The following PCSK5 variants were observed in gnomAD, a reference collection of about 807,000 sequenced individuals.
The protein encoded by PCSK5 is prohormone convertase 5.
Under a neutral mutation model 233.2 loss-of-function variants are expected in PCSK5, and 129 were observed. The observed-to-expected ratio is 0.55, with a 90% confidence interval of 0.48 to 0.64. The LOEUF (loss-of-function observed/expected upper bound fraction) is 0.64. Among genes scored for constraint, PCSK5 ranks in the 30% least tolerant of loss-of-function variants. PCSK5 has a pLI of 0.00. For synonymous variants in PCSK5, 825 were observed against 879.2 expected, an observed-to-expected ratio of 0.94 and a Z score of 1.09; for missense variants, 2,076 against 2,430.1, an observed-to-expected ratio of 0.85 and a Z score of 3.06.
chr9:76,159,917 G>T lies in PCSK5; in HGVS notation c.1619+746G>T, dbSNP rs117568499. Among the ~76,000 whole-genome samples the T allele has an allele frequency of 3.3e-3, 484 of 146,868 alleles. 21 individuals are homozygous for T. In the East Asian group the frequency reaches 0.083, roughly 25 times the overall value. The stretch of plus-strand genomic sequence containing the variant: ...GGCTCACTGCAGTCATCGCCTCCCA[G>T]GTTCAAGCGATTCCCCTACCTCAGC... On this transcript the variant is annotated intron_variant, in intron 12 of 37. Transcript: ENST00000674117.
chr9:76,131,683 A>T (rs10746990), intron 9 of PCSK5, among the ~76,000 whole-genome samples: 73,939 of 151,534 alleles, frequency 0.49, 18,244 homozygotes, highest in Admixed American at 0.53. Context: ...CTGTTCTGTT[A>T]TGAAAATTAA....
intron 1 of PCSK5, among the ~76,000 whole-genome samples, chr9:75,909,325 C>CA (rs1355185916): frequency 1.6e-4 from 23 of 141,540 alleles, no homozygotes; most frequent in Admixed American, 3.5e-4. Context: ...GACTCCATCT[C>CA]AAAAAAAAAA....
intron 34 of PCSK5, among the ~76,000 whole-genome samples, chr9:76,334,853 A>G (rs1829632609): frequency 2.0e-5 from 3 of 152,150 alleles, no homozygotes; most frequent in Non-Finnish European, 4.4e-5. Context: ...TGAGGCGGGC[A>G]GATCACTTGA....
chr9:76,168,621 G>GGAA (rs1823191849), intron 12 of PCSK5, among the ~76,000 whole-genome samples: 1 of 152,026 alleles, frequency 6.6e-6, no homozygotes, highest in South Asian at 2.1e-4. Flanking sequence ...TCGGAGCTTT[G>GGAA]GAAATCACTG....
chr9:75,904,454 C>T (rs1343646232), intron 1 of PCSK5, among the ~76,000 whole-genome samples: 1 of 152,132 alleles, frequency 6.6e-6, no homozygotes, highest in African/African-American at 2.4e-5. Flanking sequence ...AGACCAATTT[C>T]TCAATTAAAA....
intron 5 of PCSK5, 63 bp downstream of exon 5, chr9:76,027,100 C>T: frequency 2.0e-6 from 2 of 991,910 alleles, no homozygotes; most frequent in Non-Finnish European, 3.1e-6. Context: ...TCTGCTCATA[C>T]TGAGGGAAGT....
intron 3 of PCSK5, among the ~76,000 whole-genome samples, chr9:76,005,997 G>C (rs2792220): frequency 6.6e-6 from 1 of 151,712 alleles, no homozygotes; most frequent in Non-Finnish European, 1.5e-5. Context: ...GCCTCCCAAG[G>C]GGCTAGGAGC....
At chr9:76,270,650 T>C (rs1461623438) in intron 24 of PCSK5, among the ~76,000 whole-genome samples, 1 of 152,214 alleles carries the variant, frequency 6.6e-6, no homozygotes, top group Non-Finnish European at 1.5e-5. Flanking sequence ...AGGTCCCAGC[T>C]GAAGTGTCCC....
chr9:76,311,157 C>G (rs1203659172), intron 30 of PCSK5, among the ~76,000 whole-genome samples: 1 of 152,066 alleles, frequency 6.6e-6, no homozygotes, highest in African/African-American at 2.4e-5. Flanking sequence ...AGAAGGATCG[C>G]TAGGAATTTG....
rs187290868 is a variant in PCSK5 at position 76,317,356 on chromosome 9, C to G, written c.3885-4066C>G. 1.3e-4 allele frequency among the ~76,000 whole-genome samples: 20 copies of G among 152,274 alleles called. 1 individual carries two copies. The East Asian group carries it at 2.5e-3, about 19-fold the overall frequency. ...TCAGCCTGGGTGACAGGGCAAGACC[C>G]TGTCTCAGACAAAACAAAACAAAGA... is the stretch of plus-strand genomic sequence containing the variant. On this transcript the variant is annotated intron_variant, in intron 30 of 37. Transcript: ENST00000674117.
At chr9:76,058,843 T>G (rs1829922184) in intron 5 of PCSK5, among the ~76,000 whole-genome samples, 1 of 152,118 alleles carries the variant, frequency 6.6e-6, no homozygotes. Flanking sequence ...GAAAAGGAAC[T>G]TCACAAAATG....
At chr9:75,908,937 C>CTCTCTCTCTG (rs1212439160) in intron 1 of PCSK5, among the ~76,000 whole-genome samples, 1 of 89,508 alleles carries the variant, frequency 1.1e-5, no homozygotes, top group African/African-American at 3.6e-5. Flanking sequence ...CTATCTCTCT[C>CTCTCTCTCTG]TCTGTCTATC....
chr9:75,961,931 A>G (rs919773536), intron 2 of PCSK5, among the ~76,000 whole-genome samples: 2 of 152,220 alleles, frequency 1.3e-5, no homozygotes, highest in African/African-American at 4.8e-5. Flanking sequence ...TAATTCTGGT[A>G]TTGATTATCT....
chr9:76,269,764 G>A (rs7021845), intron 24 of PCSK5, among the ~76,000 whole-genome samples: 3,573 of 152,216 alleles, frequency 0.023, 142 homozygotes, highest in African/African-American at 0.08. Context: ...ATGGAACATA[G>A]CAAAACTCTC....
At position 75,920,721 on chromosome 9, in the gene PCSK5, A is replaced by T. The variant is rs62555870; in HGVS notation, c.193-11658A>T. Among the ~76,000 whole-genome samples, 23 of 152,088 alleles carry T rather than the reference A, an allele frequency of 1.5e-4. 1 individual carries two copies. In the East Asian group the frequency reaches 4.3e-3, roughly 28 times the overall value. On this transcript the variant is annotated intron_variant, in intron 1 of 37. Transcript: ENST00000674117. ...CTCTGGAGGCTGAGGCACAAGAATC[A>T]CTTGAACCTGGAAAGCGGAGGTTGC...
intron 7 of PCSK5, among the ~76,000 whole-genome samples, chr9:76,079,202 C>G (rs1830746329): frequency 1.3e-5 from 2 of 151,710 alleles, no homozygotes; most frequent in South Asian, 4.2e-4. Context: ...CTCTGGGGTT[C>G]AAATGATTCT....
chr9:75,999,144 G>A (rs1234868588), intron 3 of PCSK5, among the ~76,000 whole-genome samples: 3 of 152,016 alleles, frequency 2.0e-5, no homozygotes, highest in African/African-American at 7.2e-5. Flanking sequence ...ATGTGCCATG[G>A]TGGTTTGCTG....
At chr9:76,215,976 G>A (rs1274990804) in intron 20 of PCSK5, among the ~76,000 whole-genome samples, 2 of 152,058 alleles carry the variant, frequency 1.3e-5, no homozygotes, top group Admixed American at 6.6e-5. Context: ...AATGGGGACT[G>A]GAGTCAGACT....
intron 7 of PCSK5, among the ~76,000 whole-genome samples, chr9:76,091,973 C>T (rs536643384): frequency 2.4e-4 from 37 of 152,146 alleles, no homozygotes; most frequent in Non-Finnish European, 4.7e-4. Flanking sequence ...CCTCTCAACT[C>T]AGGACTCTCA....
Sources: gnomAD v4.1 joint callset for allele counts (sites outside exome capture counted in the v4.1 genomes callset) on GRCh38, gnomAD v4.1.1 for gene constraint, MANE v1.5 for transcripts, NCBI Gene and HGNC (gene_info 2026-07-23, HGNC 2026-07-21) for gene names.